REXO1: variants seen among roughly 807,000 people sequenced by gnomAD.
The protein encoded by REXO1 is REX1, RNA exonuclease 1 homolog.
Under a neutral mutation model 102.6 loss-of-function variants are expected in REXO1, and 42 were observed. The ratio of observed to expected loss-of-function variants is 0.41; its 90% CI spans 0.32 to 0.53. REXO1 has a LOEUF of 0.53. Ranked by LOEUF, REXO1 falls within the 20% of genes least tolerant of loss-of-function variation. REXO1 has a pLI of 0.27. For synonymous variants in REXO1, 908 were observed against 779.1 expected, an observed-to-expected ratio of 1.17 and a Z score of -2.76; for missense variants, 1,819 against 1,732.5, an observed-to-expected ratio of 1.05 and a Z score of -0.89.
rs1469953077 is a variant in REXO1, at chr19:1,817,438, G to A, written c.3091-109C>T. 24 of 1,519,850 alleles carry A rather than the reference G, an allele frequency of 1.6e-5. No homozygotes were observed. In the Admixed American group the frequency reaches 1.8e-4, roughly 11 times the overall value. 94.1% of individuals were successfully genotyped at this position (1,519,850 alleles called of 1,614,324 possible). On this transcript the variant is annotated intron_variant, in intron 11 of 15. Coordinates refer to ENST00000170168, the MANE Select transcript of REXO1 (RefSeq NM_020695.4). ...CGGGACCATCCTATCCATCCATCAC[G>A]CCCATTCACTGGTTGGGACCCTGGT... is the stretch of plus-strand genomic sequence containing the variant.
chr19:1,816,722 T>G lies in REXO1; in HGVS notation c.3293A>C (p.Asn1098Thr). The change falls in exon 13 of 16, where the codon AAC (asparagine) becomes ACC (threonine). Residue 1098 changes from asparagine (N) to threonine (T), a missense_variant. Coordinates refer to ENST00000170168, the MANE Select transcript of REXO1 (RefSeq NM_020695.4). ...VVYDTFVKPDNEIVDYNTRFS... is the reference protein window; with the variant it reads ...VVYDTFVKPDTEIVDYNTRFS... Reference sequence around the variant, plus strand: ...CCTGGTGTTGTAGTCCACGATCTCGTTGTCAGGCTTCACGAAGGTGTCATA... The same window carrying G: ...CCTGGTGTTGTAGTCCACGATCTCGGTGTCAGGCTTCACGAAGGTGTCATA... 1 of 1,612,346 alleles carries G rather than the reference T, an allele frequency of 6.2e-7. No individual in the cohort carries two copies. Among genetic ancestry groups the G allele is most frequent in the East Asian group, 2.2e-5 (1 of 44,812 alleles).
At chr19:1,834,648 G>A (rs1049138365) in intron 1 of REXO1, among the ~76,000 whole-genome samples, 1 of 152,166 alleles carries the variant, frequency 6.6e-6, no homozygotes, top group Non-Finnish European at 1.5e-5. Flanking sequence ...AAACTTCTAA[G>A]CTCAAGCGGT....
chr19:1,836,743 CAAAAA>C (rs1185957602), intron 1 of REXO1, among the ~76,000 whole-genome samples: 2 of 64,602 alleles, frequency 3.1e-5, no homozygotes, highest in African/African-American at 1.4e-4. Flanking sequence ...AAGACTGTCT[CAAAAA>C]AAAAAAAAAA....
At position 1,819,856 on chromosome 19, in the gene REXO1, G is replaced by A. The variant is rs1941845302; in HGVS notation, c.2650+78C>T. 3 of 1,394,284 alleles carry A rather than the reference G, an allele frequency of 2.2e-6. No homozygotes were observed. The South Asian group carries it at 4.4e-5, about 21-fold the overall frequency. 86.4% of individuals were successfully genotyped at this position (1,394,284 alleles called of 1,614,324 possible). On this transcript the variant is annotated intron_variant, in intron 7 of 15. Coordinates refer to ENST00000170168, the MANE Select transcript of REXO1 (RefSeq NM_020695.4). ...CTGTGGCTGAGCTCAGGGCTGTGAA[G>A]GTCCCAGCGAGGGTCCCAGCCCAGC...
At position 1,817,312 on chromosome 19, in the gene REXO1, G is replaced by A; in HGVS notation, c.3108C>T (p.Gly1036=). The change falls in exon 12 of 16, where the codon GGC becomes GGT. Residue 1036 remains glycine (G), a synonymous_variant. Transcript: ENST00000170168. Reference sequence around the variant, plus strand: ...CGAAGCCCTCAAGGCGCTCCTTCCGGCCATCCTGCACGTGTTGCTGGGGGT... The same window carrying A: ...CGAAGCCCTCAAGGCGCTCCTTCCGACCATCCTGCACGTGTTGCTGGGGGT... ...CQVAKQHVQD[G]RKERLEGFVK... The A allele has an allele frequency of 6.2e-7, 1 of 1,612,686 alleles. No homozygotes were observed.
Position 1,825,948 on chromosome 19 carries a change from G to A in REXO1, c.1912-5C>T, listed in dbSNP as rs2069706734. 6 of 1,602,838 alleles carry A rather than the reference G, an allele frequency of 3.7e-6. No homozygotes were observed. Among genetic ancestry groups the A allele is most frequent in the Non-Finnish European group, 5.1e-6 (6 of 1,170,200 alleles). On this transcript the variant is annotated splice_region_variant and splice_polypyrimidine_tract_variant and intron_variant, in intron 2 of 15. Transcript: ENST00000170168. ...ACTCTTCTCTTCCTTGGGGGGCTAA[G>A]ACACATGTCCGTCCGTCAGCACAGG...
chr19:1,836,553 C>A (rs1044653309), intron 1 of REXO1, among the ~76,000 whole-genome samples: 1 of 152,010 alleles, frequency 6.6e-6, no homozygotes, highest in African/African-American at 2.4e-5. Context: ...CGAGACCAGC[C>A]TGGACAATAA....
intron 7 of REXO1, among the ~76,000 whole-genome samples, chr19:1,819,428 A>ACGGGGGATCTAATGGCTTT (rs925493758): frequency 6.6e-6 from 1 of 151,052 alleles, no homozygotes; most frequent in African/African-American, 2.5e-5. Context: ...GGAGAACAGC[A>ACGGGGGATCTAATGGCTTT]CGGGGGATCT....
intron 4 of REXO1, chr19:1,822,211 G>T (rs554728939): frequency 1.0e-3 from 262 of 257,434 alleles, no homozygotes; most frequent in African/African-American, 5.2e-3. Context: ...CTGGACTGGG[G>T]GCTCGGCACC....
chr19:1,816,473 G>A lies in REXO1; in HGVS notation c.3414C>T (p.Ile1138=), dbSNP rs2069366491. 6.2e-7 allele frequency: 1 copy of A among 1,612,424 alleles called. No individual in the cohort carries two copies. Among genetic ancestry groups the A allele is most frequent in the African/African-American group, 1.3e-5 (1 of 74,912 alleles). The change falls in exon 14 of 16, where the codon ATC becomes ATT. Residue 1138 remains isoleucine, a synonymous_variant. Coordinates refer to ENST00000170168, the MANE Select transcript of REXO1 (RefSeq NM_020695.4). The part of the protein sequence containing the change: ...VLLSMFSADT[I]LIGHSLESDL... ...CGCTCTCCAGGCTGTGTCCGATGAG[G>A]ATGGTGTCAGCGCTGAACATGCTCA...
At position 1,816,759 on chromosome 19, in the gene REXO1, C is replaced by T. The variant is rs964836713; in HGVS notation, c.3256G>A (p.Val1086Met). Residue 1086 changes from valine (V) to methionine (M), a missense_variant, in exon 13 of 16, where the codon GTG becomes ATG. Coordinates refer to ENST00000170168, the MANE Select transcript of REXO1 (RefSeq NM_020695.4). ...LTRVTVVDTD[V>M]HVVYDTFVKP... ...ACGAAGGTGTCATAAACCACGTGCA[C>T]GTCCGTGTCGACCACCGTGACGCGC... 1.5e-5 allele frequency: 24 copies of T among 1,610,532 alleles called. No homozygotes were observed. In the Admixed American group the frequency reaches 2.5e-4, roughly 17 times the overall value.
chr19:1,825,312 A>C (rs1186179691), intron 3 of REXO1, among the ~76,000 whole-genome samples: 9 of 140,260 alleles, frequency 6.4e-5, no homozygotes, highest in Non-Finnish European at 3.0e-5. Flanking sequence ...AAAAAAAAAA[A>C]AAAAAAAAAA....
Position 1,825,946 on chromosome 19 carries a change from A to G in REXO1, c.1912-3T>C, listed in dbSNP as rs779775132. 5.0e-6 allele frequency: 8 copies of G among 1,604,496 alleles called. No homozygotes were observed. In the African/African-American group the frequency reaches 1.1e-4, roughly 22 times the overall value. On this transcript the variant is annotated splice_region_variant and splice_polypyrimidine_tract_variant and intron_variant, in intron 2 of 15. Coordinates refer to ENST00000170168, the MANE Select transcript of REXO1 (RefSeq NM_020695.4). The stretch of plus-strand genomic sequence containing the variant: ...TCACTCTTCTCTTCCTTGGGGGGCT[A>G]AGACACATGTCCGTCCGTCAGCACA...
chr19:1,826,955 G>C lies in REXO1; in HGVS notation c.1834C>G (p.Pro612Ala), dbSNP rs1376093256. 6.3e-7 allele frequency: 1 copy of C among 1,576,918 alleles called. No individual in the cohort carries two copies. Among genetic ancestry groups the C allele is most frequent in the African/African-American group, 1.3e-5 (1 of 74,246 alleles). ...AAGATCCGCAGGCACTCCTCCATGGGGTCGGAGTCAAAGTCCACCTCCTTC... is the reference window on the plus strand; with the variant it reads ...AAGATCCGCAGGCACTCCTCCATGGCGTCGGAGTCAAAGTCCACCTCCTTC... ...LEKEVDFDSD[P>A]MEECLRIFNE... The change falls in exon 2 of 16, where the codon CCC becomes GCC. Residue 612 changes from proline (P) to alanine (A), a missense_variant. Pro to Ala is a conservative substitution (Grantham distance 27). Coordinates refer to ENST00000170168, the MANE Select transcript of REXO1 (RefSeq NM_020695.4). This position sits in a 1 kb window ranked among gnomAD's most constrained non-coding sequence, Gnocchi z 4.3.
intron 1 of REXO1, among the ~76,000 whole-genome samples, chr19:1,842,455 G>A (rs187893334): frequency 1.1e-3 from 163 of 152,376 alleles, no homozygotes; most frequent in African/African-American, 3.8e-3. Context: ...GTGCAGAACC[G>A]CCCTGTCGGG....
At chr19:1,831,359 T>G (rs1478696035) in intron 1 of REXO1, among the ~76,000 whole-genome samples, 1 of 152,140 alleles carries the variant, frequency 6.6e-6, no homozygotes, top group Non-Finnish European at 1.5e-5. Context: ...TGCCTGCCCT[T>G]CGGCCCACCT....
In REXO1 at chr19:1,828,057, G is replaced by A. The variant is rs2069793797; in HGVS notation, c.732C>T (p.His244=). The A allele has an allele frequency of 6.2e-7, 1 of 1,613,150 alleles. No homozygotes were observed. Among genetic ancestry groups the A allele is most frequent in the Non-Finnish European group, 8.5e-7 (1 of 1,179,814 alleles). Residue 244 remains histidine, a synonymous_variant, in exon 2 of 16, where the codon CAC becomes CAT. Transcript: ENST00000170168. ...CATCCCGGGAGCTGGCCCTGCTGAGGTGCCGGGCCGAGTAGTTGGAGAGAG... is the reference window on the plus strand; with the variant it reads ...CATCCCGGGAGCTGGCCCTGCTGAGATGCCGGGCCGAGTAGTTGGAGAGAG... ...YDPLSNYSAR[H]LSRASSRDER...
chr19:1,834,423 CTTGTTTTG>C (rs1483521351), intron 1 of REXO1, among the ~76,000 whole-genome samples: 2 of 152,034 alleles, frequency 1.3e-5, no homozygotes, highest in African/African-American at 4.8e-5. Context: ...TGTGTGAGTA[CTTGTTTTG>C]TTGTTTTGTG....
In REXO1 at chr19:1,818,778, A is replaced by G; in HGVS notation, c.2830T>C (p.Tyr944His). 2.5e-6 allele frequency: 4 copies of G among 1,610,194 alleles called. No individual in the cohort carries two copies. Among genetic ancestry groups the G allele is most frequent in the Non-Finnish European group, 3.4e-6 (4 of 1,179,892 alleles). ...LTQDQLKENG[Y>H]PFPHPERPGG... ...GGCCGCTCTGGGTGCGGGAAGGGGTAGCCGTTCTCCTTGAGCTGGTCCTGG... is the reference window on the plus strand; with the variant it reads ...GGCCGCTCTGGGTGCGGGAAGGGGTGGCCGTTCTCCTTGAGCTGGTCCTGG... The change falls in exon 9 of 16, where the codon TAC becomes CAC. Residue 944 changes from tyrosine to histidine, a missense_variant. Physicochemically the swap from Tyr to His is moderately conservative, Grantham distance 83. Transcript: ENST00000170168.
Sources: allele counts gnomAD v4.1 joint callset (sites outside exome capture counted in the v4.1 genomes callset), GRCh38; gene constraint gnomAD v4.1.1; non-coding constraint Gnocchi (gnomAD v3.1); transcripts MANE v1.5; gene names NCBI Gene and HGNC (gene_info 2026-07-23, HGNC 2026-07-21).